The following SASH1 variants were observed in gnomAD, a reference collection of about 807,000 sequenced individuals.
SASH1 encodes SAM and SH3 domain-containing protein 1.
A neutral mutation model predicts 125.2 loss-of-function variants in SASH1; 44 were observed. That is an observed-to-expected ratio of 0.35 (90% CI 0.28 to 0.45). The LOEUF (loss-of-function observed/expected upper bound fraction) is 0.45, where lower values mean the gene tolerates loss of function less well. Among genes scored for constraint, SASH1 ranks in the 20% least tolerant of loss-of-function variants. The pLI, the probability that SASH1 is intolerant of heterozygous loss-of-function variation, is 1.00. For synonymous variants in SASH1, 639 were observed against 649.1 expected (o/e 0.98, Z 0.24); for missense variants, 1,426 against 1,614.5 (o/e 0.88, Z 2.00).
At chr6:148,256,328 C>T in the SASH1 span, among the ~76,000 whole-genome samples, 1 of 152,184 alleles carries the variant, frequency 6.6e-6, no homozygotes, top group African/African-American at 2.4e-5. Flanking sequence ...GACTATTTTA[C>T]AACTATCTAA....
At chr6:148,314,620 A>G (rs191283545) in intron 1 of SASH1, among the ~76,000 whole-genome samples, 5 of 152,146 alleles carry the variant, frequency 3.3e-5, no homozygotes, top group Non-Finnish European at 7.4e-5. Flanking sequence ...GTTTGGAAAT[A>G]GGCATTCTTT....
intron 7 of SASH1, among the ~76,000 whole-genome samples, chr6:148,481,473 G>A (rs972745226): frequency 2.0e-5 from 3 of 152,076 alleles, no homozygotes; most frequent in East Asian, 1.9e-4. Flanking sequence ...GGCTTTCAAC[G>A]TGCCCTCCTC....
chr6:148,204,775 A>C, the SASH1 span, among the ~76,000 whole-genome samples: 2 of 152,190 alleles, frequency 1.3e-5, no homozygotes, highest in African/African-American at 4.8e-5. Flanking sequence ...TTTAGTAAAA[A>C]AAAAAAGTCC....
chr6:148,531,659 T>C lies in SASH1; in HGVS notation c.1562T>C (p.Met521Thr). Residue 521 changes from methionine (M) to threonine (T), a missense_variant and splice_region_variant, in exon 13 of 20, where the codon ATG (methionine) becomes ACG (threonine). Met to Thr is a moderately conservative substitution (Grantham distance 81). Coordinates refer to ENST00000367467, the MANE Select transcript of SASH1 (RefSeq NM_015278.5). ...LRSSLSGQSS[M>T]SGQTVSTTDS... The stretch of plus-strand genomic sequence containing the variant: ...AGTTCTCTCAGTGGGCAGAGCTCCA[T>C]GAGTAAGTCGAGTTTGTCATTGTAG... 6.5e-7 allele frequency: 1 copy of C among 1,526,966 alleles called. No individual in the cohort carries two copies. The highest frequency in any genetic ancestry group is 2.2e-5 in the Admixed American group (1 of 46,028). The allele number at this position is 1,526,966 out of a possible 1,614,324, so 94.6% of individuals were successfully genotyped here. A position where few individuals can be genotyped will look rare whatever the true frequency, so the allele number is the denominator to read the frequency against.
At chr6:148,315,589 G>C (rs757047726) in intron 1 of SASH1, among the ~76,000 whole-genome samples, 8 of 152,050 alleles carry the variant, frequency 5.3e-5, no homozygotes, top group Non-Finnish European at 1.0e-4. Flanking sequence ...TTAGTTATGG[G>C]AGCTTTCTTA....
At chr6:148,302,653 GTA>G (rs200151810) in intron 1 of SASH1, among the ~76,000 whole-genome samples, 1 of 61,802 alleles carries the variant, frequency 1.6e-5, no homozygotes, top group Non-Finnish European at 3.3e-5. Context: ...AGATGTGTGT[GTA>G]TATATATACA....
the SASH1 span, among the ~76,000 whole-genome samples, chr6:148,206,793 GCACACA>G: frequency 6.8e-4 from 92 of 134,564 alleles, no homozygotes; most frequent in African/African-American, 2.1e-3. Flanking sequence ...CCATCTCAAA[GCACACA>G]CACACACACA....
the SASH1 span, among the ~76,000 whole-genome samples, chr6:148,232,970 G>T: frequency 1.3e-5 from 2 of 152,018 alleles, no homozygotes; most frequent in African/African-American, 4.8e-5. Flanking sequence ...AGGTTAAATA[G>T]TGAAGGAGGC....
upstream of SASH1, among the ~76,000 whole-genome samples, chr6:148,270,827 A>G (rs1779043784): frequency 6.6e-6 from 1 of 151,860 alleles, no homozygotes. Context: ...GGGCAATGGC[A>G]TGTCCAAGGC....
intron 2 of SASH1, among the ~76,000 whole-genome samples, chr6:148,429,455 A>G (rs1420916371): frequency 1.3e-5 from 2 of 151,154 alleles, no homozygotes; most frequent in Non-Finnish European, 2.9e-5. Flanking sequence ...AAGTGATCCA[A>G]TTTAAACAAA....
chr6:148,297,592 C>T (rs1300602336), intron 1 of SASH1, among the ~76,000 whole-genome samples: 3 of 152,128 alleles, frequency 2.0e-5, no homozygotes, highest in African/African-American at 7.2e-5. Flanking sequence ...CTTTGGGAGG[C>T]CAAGGCAGGT....
chr6:148,454,833 G>C (rs1038881493), intron 4 of SASH1, among the ~76,000 whole-genome samples: 1 of 152,230 alleles, frequency 6.6e-6, no homozygotes, highest in East Asian at 1.9e-4. Flanking sequence ...TTTATCCACC[G>C]GCTGATTCAT....
At chr6:148,457,643 A>C (rs1404243547) in intron 4 of SASH1, among the ~76,000 whole-genome samples, 1 of 152,170 alleles carries the variant, frequency 6.6e-6, no homozygotes, top group Non-Finnish European at 1.5e-5. Flanking sequence ...TGCTTTGTGG[A>C]AGTTAGTCAT....
the SASH1 span, among the ~76,000 whole-genome samples, chr6:148,202,271 C>G: frequency 6.6e-6 from 1 of 152,176 alleles, no homozygotes; most frequent in Non-Finnish European, 1.5e-5. Context: ...TGGAAGCCAA[C>G]TCTAACATTG....
intron 2 of SASH1, among the ~76,000 whole-genome samples, chr6:148,435,373 T>C (rs1187612353): frequency 1.0e-5 from 1 of 97,242 alleles, no homozygotes; most frequent in African/African-American, 3.7e-5. Context: ...AGCCAGACTC[T>C]GACTCAAAAA....
In SASH1 at chr6:148,540,366, A is replaced by G; in HGVS notation, c.2096-77A>G. 4.6e-6 allele frequency: 5 copies of G among 1,096,102 alleles called. No individual in the cohort carries two copies. The South Asian group carries it at 6.6e-5, about 15-fold the overall frequency. 67.9% of individuals were successfully genotyped at this position (1,096,102 alleles called of 1,614,324 possible). Reference sequence around the variant, plus strand: ...AAAGCTCAGGGCAGTAACTGAGGATAAAGTCGAGATCTGTTGACTCTGAAA... The same window carrying G: ...AAAGCTCAGGGCAGTAACTGAGGATGAAGTCGAGATCTGTTGACTCTGAAA... On this transcript the variant is annotated intron_variant, in intron 16 of 19. Coordinates refer to ENST00000367467, the MANE Select transcript of SASH1 (RefSeq NM_015278.5).
At chr6:148,245,934 GA>G in the SASH1 span, among the ~76,000 whole-genome samples, 2 of 151,018 alleles carry the variant, frequency 1.3e-5, no homozygotes, top group Non-Finnish European at 2.9e-5. Context: ...GGTGAGCCCA[GA>G]TCGCACCACT....
chr6:148,208,413 G>A, the SASH1 span, among the ~76,000 whole-genome samples: 1 of 152,182 alleles, frequency 6.6e-6, no homozygotes, highest in Non-Finnish European at 1.5e-5. Flanking sequence ...TGTCACCCTT[G>A]AAGTACAGGC....
intron 1 of SASH1, among the ~76,000 whole-genome samples, chr6:148,290,537 C>T (rs1216317310): frequency 6.6e-6 from 1 of 151,916 alleles, no homozygotes; most frequent in Non-Finnish European, 1.5e-5. Flanking sequence ...ACCCGGGAGG[C>T]GAAGCTTGCA....
Sources: gnomAD v4.1 joint callset for allele counts (sites outside exome capture counted in the v4.1 genomes callset) on GRCh38, gnomAD v4.1.1 for gene constraint, MANE v1.5 for transcripts, NCBI Gene and HGNC (gene_info 2026-07-23, HGNC 2026-07-21) for gene names.